RIMBP2: variants seen among roughly 807,000 people sequenced by gnomAD.
The protein encoded by RIMBP2 is RIMS binding protein 2, also known as RIMS-binding protein 2.
In RIMBP2, 48 loss-of-function variants were observed where a neutral mutation model predicts 118.6. The observed-to-expected ratio is 0.40, with a 90% confidence interval of 0.32 to 0.51. The LOEUF (loss-of-function observed/expected upper bound fraction) is 0.51. Among genes scored for constraint, RIMBP2 ranks in the 20% least tolerant of loss-of-function variants. The pLI, the probability that RIMBP2 is intolerant of heterozygous loss-of-function variation, is 0.41. For missense variants in RIMBP2, 1,551 were observed against 1,768.3 expected, an observed-to-expected ratio of 0.88 and a Z score of 2.20; for synonymous variants, 762 against 742.9, an observed-to-expected ratio of 1.03 and a Z score of -0.42.
chr12:130,524,373 G>T (rs1284762468), intron 2 of RIMBP2, among the ~76,000 whole-genome samples: 1 of 152,008 alleles, frequency 6.6e-6, no homozygotes, highest in Non-Finnish European at 1.5e-5. Flanking sequence ...ATTCCCGGTG[G>T]CCTCAAGCAG....
chr12:130,520,586 C>A (rs925095707), intron 2 of RIMBP2, among the ~76,000 whole-genome samples: 19 of 148,014 alleles, frequency 1.3e-4, no homozygotes, highest in African/African-American at 4.0e-4. Context: ...GCAGGAGAAT[C>A]ACTTGAACCC....
chr12:130,557,629 A>G (rs978641528), intron 2 of RIMBP2, among the ~76,000 whole-genome samples: 2 of 152,264 alleles, frequency 1.3e-5, no homozygotes, highest in Admixed American at 6.5e-5. Context: ...AGAAACCACA[A>G]GACAGCAGAT....
intron 2 of RIMBP2, among the ~76,000 whole-genome samples, chr12:130,554,268 C>T (rs1044267548): frequency 6.6e-6 from 1 of 152,180 alleles, no homozygotes; most frequent in Non-Finnish European, 1.5e-5. Context: ...TTATGCACCT[C>T]AGAGGGCTTT....
At position 130,617,763 on chromosome 12, in the gene RIMBP2, T is replaced by C. The variant is rs2061037740; in HGVS notation, c.-217+10559A>G. Among the ~76,000 whole-genome samples, 1 of 152,102 alleles carries C rather than the reference T, an allele frequency of 6.6e-6. No individual in the cohort carries two copies. The highest frequency in any genetic ancestry group is 6.5e-5 in the Admixed American group (1 of 15,276). On this transcript the variant is annotated intron_variant, in intron 2 of 22. Coordinates refer to ENST00000690449, the MANE Select transcript of RIMBP2 (RefSeq NM_001393629.1). This position sits in a 1 kb window ranked among gnomAD's most constrained non-coding sequence, Gnocchi z 4.6. ...CTGAATTCACAGAATGCACGCAAAT[T>C]AGATTATTCTGGTAGAACAGGAATC...
chr12:130,664,119 A>AC (rs2063769250), intron 1 of RIMBP2, among the ~76,000 whole-genome samples: 1 of 151,790 alleles, frequency 6.6e-6, no homozygotes, highest in African/African-American at 2.4e-5. Flanking sequence ...AAAAATAAAA[A>AC]TAAAAAAGAA....
intron 1 of RIMBP2, among the ~76,000 whole-genome samples, chr12:130,685,636 G>C (rs1297987530): frequency 1.3e-5 from 2 of 152,126 alleles, no homozygotes; most frequent in Admixed American, 1.3e-4. Flanking sequence ...TGGCAATGCT[G>C]GAGTCACTGG....
chr12:130,438,567 G>C (rs766107869), intron 11 of RIMBP2, 51 bp from the exon 12 acceptor site: 2 of 1,478,110 alleles, frequency 1.4e-6, no homozygotes, highest in Non-Finnish European at 1.8e-6. Flanking sequence ...GCCCTGGCAG[G>C]TGAGCCGTGA....
chr12:130,411,696 G>A lies in RIMBP2; in HGVS notation c.3589+923C>T, dbSNP rs527750245. Among the ~76,000 whole-genome samples, 4 of 152,300 alleles carry A rather than the reference G, an allele frequency of 2.6e-5. No individual in the cohort carries two copies. In the East Asian group the frequency reaches 7.7e-4, roughly 29 times the overall value. ...TTCGGGAAAGGAGATCTTAACAAAA[G>A]TGAGTAGAGGGGATAAAGGGCTCAA... On this transcript the variant is annotated intron_variant, in intron 19 of 22. Coordinates refer to ENST00000690449, the MANE Select transcript of RIMBP2 (RefSeq NM_001393629.1).
chr12:130,466,433 T>C (rs920125351), intron 6 of RIMBP2: 2 of 152,126 alleles, frequency 1.3e-5, no homozygotes, highest in African/African-American at 4.8e-5. Context: ...AAAAAGACAC[T>C]TCCCCATTGC....
At chr12:130,554,543 C>T (rs372657240) in intron 2 of RIMBP2, among the ~76,000 whole-genome samples, 6 of 150,708 alleles carry the variant, frequency 4.0e-5, no homozygotes, top group African/African-American at 9.8e-5. Flanking sequence ...CTTAGGCTTA[C>T]GAATACAGAC....
chr12:130,448,197 C>T (rs528825941), intron 9 of RIMBP2, among the ~76,000 whole-genome samples: 6 of 152,084 alleles, frequency 3.9e-5, no homozygotes, highest in South Asian at 2.1e-4. Flanking sequence ...GGAGAATGTG[C>T]GTGGGCTGTG....
At chr12:130,529,415 C>A (rs1296670241) in intron 2 of RIMBP2, among the ~76,000 whole-genome samples, 1 of 152,076 alleles carries the variant, frequency 6.6e-6, no homozygotes, top group Non-Finnish European at 1.5e-5. Flanking sequence ...TCAAGATAGG[C>A]AAATCTGCAG....
At chr12:130,632,273 C>T (rs2062038142) in intron 1 of RIMBP2, among the ~76,000 whole-genome samples, 1 of 152,242 alleles carries the variant, frequency 6.6e-6, no homozygotes, top group African/African-American at 2.4e-5. Flanking sequence ...ATCCTTACCT[C>T]CACCAACACA....
chr12:130,684,266 C>T (rs745924416), intron 1 of RIMBP2, among the ~76,000 whole-genome samples: 4 of 152,172 alleles, frequency 2.6e-5, no homozygotes, highest in African/African-American at 7.2e-5. Context: ...CTTTGAGTTG[C>T]ACCAAATCAA....
intron 2 of RIMBP2, among the ~76,000 whole-genome samples, chr12:130,563,289 G>A (rs2056957485): frequency 6.6e-6 from 1 of 152,172 alleles, no homozygotes; most frequent in African/African-American, 2.4e-5. Context: ...GCCCTGCCAA[G>A]CCTCTTCCTC....
At chr12:130,634,425 C>T (rs1262013363) in intron 1 of RIMBP2, among the ~76,000 whole-genome samples, 1 of 152,090 alleles carries the variant, frequency 6.6e-6, no homozygotes, top group African/African-American at 2.4e-5. Flanking sequence ...CTCATCAAAG[C>T]CCTTGGAGCA....
chr12:130,646,792 TCACA>T (rs1159735111), intron 1 of RIMBP2, among the ~76,000 whole-genome samples: 1 of 152,224 alleles, frequency 6.6e-6, no homozygotes, highest in East Asian at 1.9e-4. Context: ...GTCGCACAAC[TCACA>T]CACAGAGTCC....
intron 2 of RIMBP2, among the ~76,000 whole-genome samples, chr12:130,614,317 C>T (rs867353187): frequency 2.6e-5 from 4 of 152,186 alleles, no homozygotes; most frequent in Non-Finnish European, 5.9e-5. Flanking sequence ...CAACCTTGTG[C>T]CCAACCTCCC....
chr12:130,693,089 T>A (rs1323920531), intron 1 of RIMBP2, among the ~76,000 whole-genome samples: 3 of 152,106 alleles, frequency 2.0e-5, no homozygotes, highest in African/African-American at 7.2e-5. Context: ...AGACACGATT[T>A]GAACACAGAA....
Sources: allele counts gnomAD v4.1 joint callset (sites outside exome capture counted in the v4.1 genomes callset), GRCh38; gene constraint gnomAD v4.1.1; non-coding constraint Gnocchi (gnomAD v3.1); transcripts MANE v1.5; gene names NCBI Gene and HGNC (gene_info 2026-07-23, HGNC 2026-07-21).